The following GRID1 variants were observed in gnomAD, a reference collection of about 807,000 sequenced individuals.
The protein encoded by GRID1 is glutamate ionotropic receptor delta type subunit 1.
Under a neutral mutation model 98.0 loss-of-function variants are expected in GRID1, and 28 were observed. The ratio of observed to expected loss-of-function variants is 0.29; its 90% confidence interval spans 0.21 to 0.39. The LOEUF (loss-of-function observed/expected upper bound fraction) is 0.39. Among genes scored for constraint, GRID1 ranks in the 10% least tolerant of loss-of-function variants. GRID1 has a pLI of 1.00. For synonymous variants in GRID1, 553 were observed against 538.5 expected (o/e 1.03, Z -0.37); for missense variants, 1,111 against 1,340.5 (o/e 0.83, Z 2.67).
intron 4 of GRID1, among the ~76,000 whole-genome samples, chr10:86,031,525 T>G (rs576474385): frequency 2.0e-5 from 3 of 152,282 alleles, no homozygotes; most frequent in Admixed American, 2.0e-4. Context: ...TATACCCACA[T>G]AACAAAGCTG....
intron 8 of GRID1, among the ~76,000 whole-genome samples, chr10:85,800,077 T>C (rs1437156480): frequency 6.6e-6 from 1 of 151,690 alleles, no homozygotes; most frequent in Non-Finnish European, 1.5e-5. Context: ...ATTTAATGAA[T>C]CAAAAACACA....
At chr10:85,873,087 T>C (rs571275981) in intron 5 of GRID1, among the ~76,000 whole-genome samples, 2 of 152,348 alleles carry the variant, frequency 1.3e-5, no homozygotes, top group East Asian at 3.9e-4. Context: ...CCTGGGTCTC[T>C]TGTAGTGCCA....
At chr10:85,721,191 C>T (rs1841698650) in intron 12 of GRID1, among the ~76,000 whole-genome samples, 1 of 152,110 alleles carries the variant, frequency 6.6e-6, no homozygotes, top group Non-Finnish European at 1.5e-5. Flanking sequence ...ATAATGGCAA[C>T]ACCAAATGTC....
intron 2 of GRID1, among the ~76,000 whole-genome samples, chr10:86,297,439 C>T (rs1340616601): frequency 2.0e-5 from 3 of 152,140 alleles, no homozygotes; most frequent in African/African-American, 7.2e-5. Flanking sequence ...CAGAAACACA[C>T]CTTTCCTCAC....
chr10:86,121,098 G>C (rs1164301275), intron 4 of GRID1, among the ~76,000 whole-genome samples: 1 of 152,116 alleles, frequency 6.6e-6, no homozygotes, highest in Non-Finnish European at 1.5e-5. Flanking sequence ...CAACCACAAG[G>C]AGCAAGGGAG....
intron 4 of GRID1, among the ~76,000 whole-genome samples, chr10:86,024,048 A>G (rs1025721084): frequency 6.6e-6 from 1 of 152,166 alleles, no homozygotes; most frequent in Non-Finnish European, 1.5e-5. Context: ...CCTCTGAACC[A>G]AGGCCAGCCA....
chr10:86,298,484 A>C (rs114516130), intron 2 of GRID1, among the ~76,000 whole-genome samples: 3,477 of 151,000 alleles, frequency 0.023, 45 homozygotes, highest in Middle Eastern at 0.051. Context: ...CACTCCCTGC[A>C]CTCCAGAACC....
At chr10:85,809,946 T>C (rs78685528) in intron 8 of GRID1, among the ~76,000 whole-genome samples, 2,549 of 152,336 alleles carry the variant, frequency 0.017, 76 homozygotes, top group Admixed American at 0.068. Flanking sequence ...GGGAGCTGTC[T>C]GGAATTCACA....
At chr10:85,857,016 T>C (rs547042015) in intron 6 of GRID1, among the ~76,000 whole-genome samples, 61 of 152,200 alleles carry the variant, frequency 4.0e-4, no homozygotes, top group African/African-American at 1.4e-3. Context: ...GGAGATCAGA[T>C]CTGGGCCTCA....
intron 12 of GRID1, among the ~76,000 whole-genome samples, chr10:85,694,577 T>G (rs1410416825): frequency 1.1e-5 from 1 of 91,706 alleles, no homozygotes; most frequent in African/African-American, 7.7e-5. Flanking sequence ...TATATATATA[T>G]ATATATATAT....
intron 8 of GRID1, among the ~76,000 whole-genome samples, chr10:85,771,797 T>C (rs1407320284): frequency 6.6e-6 from 1 of 152,140 alleles, no homozygotes; most frequent in Non-Finnish European, 1.5e-5. Context: ...ATGCACCCAA[T>C]ACAGGAGTAC....
chr10:85,998,269 T>A (rs1254064953), intron 4 of GRID1, among the ~76,000 whole-genome samples: 1 of 152,042 alleles, frequency 6.6e-6, no homozygotes, highest in African/African-American at 2.4e-5. Flanking sequence ...TCCTAACAAA[T>A]GTAAAATAAG....
At chr10:86,144,085 G>A (rs1049444145) in intron 3 of GRID1, among the ~76,000 whole-genome samples, 1 of 152,162 alleles carries the variant, frequency 6.6e-6, no homozygotes, top group African/African-American at 2.4e-5. Flanking sequence ...AAACAAAACT[G>A]AATGAACCCC....
At chr10:85,887,425 T>C (rs1404560722) in intron 5 of GRID1, among the ~76,000 whole-genome samples, 1 of 152,168 alleles carries the variant, frequency 6.6e-6, no homozygotes, top group Non-Finnish European at 1.5e-5. Context: ...CCACAGCAAC[T>C]TGCCAAAGAG....
At chr10:85,983,856 T>C (rs1055595615) in intron 4 of GRID1, among the ~76,000 whole-genome samples, 4 of 152,128 alleles carry the variant, frequency 2.6e-5, no homozygotes, top group African/African-American at 9.7e-5. Context: ...GTCATGAGCT[T>C]GGGGGTTGCT....
At chr10:85,675,218 C>CA (rs1352172675) in intron 12 of GRID1, among the ~76,000 whole-genome samples, 6 of 152,206 alleles carry the variant, frequency 3.9e-5, no homozygotes, top group Non-Finnish European at 5.9e-5. Flanking sequence ...TCTGGAGCTG[C>CA]ACACACGTGA....
At chr10:86,311,965 G>T (rs1174051241) in intron 2 of GRID1, among the ~76,000 whole-genome samples, 1 of 152,172 alleles carries the variant, frequency 6.6e-6, no homozygotes, top group East Asian at 1.9e-4. Context: ...TCAAACCAGG[G>T]TATCCACCAA....
At chr10:85,855,709 A>C (rs1328821777) in intron 7 of GRID1, among the ~76,000 whole-genome samples, 2 of 152,212 alleles carry the variant, frequency 1.3e-5, no homozygotes, top group African/African-American at 2.4e-5. Flanking sequence ...GGTGTTCTGC[A>C]TAGAGGGGTA....
chr10:85,623,036 G>A (rs759150330), intron 13 of GRID1, among the ~76,000 whole-genome samples: 1 of 152,152 alleles, frequency 6.6e-6, no homozygotes, highest in Admixed American at 6.5e-5. Flanking sequence ...ATAGTGGCAG[G>A]ACAGGCCAGA....
Sources: allele counts gnomAD v4.1 joint callset (sites outside exome capture counted in the v4.1 genomes callset), GRCh38; gene constraint gnomAD v4.1.1; transcripts MANE v1.5; gene names NCBI Gene and HGNC (gene_info 2026-07-23, HGNC 2026-07-21).